DSCAM: variants seen among roughly 807,000 people sequenced by gnomAD.
DSCAM encodes cell adhesion molecule DSCAM.
DSCAM carries 47 observed loss-of-function variants against 217.7 expected under a neutral mutation model. The ratio of observed to expected loss-of-function variants is 0.22; its 90% confidence interval spans 0.17 to 0.28. The LOEUF (loss-of-function observed/expected upper bound fraction) is 0.28, where lower values mean the gene tolerates loss of function less well. DSCAM is among the 10% of genes least tolerant of loss of function. The pLI, the probability that DSCAM is intolerant of heterozygous loss-of-function variation, is 1.00. For missense variants in DSCAM, 2,080 were observed against 2,618.3 expected (o/e 0.79, Z 4.49); for synonymous variants, 1,056 against 1,015.3 (o/e 1.04, Z -0.76).
chr21:40,616,930 T>G (rs1601791685), intron 3 of DSCAM, among the ~76,000 whole-genome samples: 2 of 130,442 alleles, frequency 1.5e-5, no homozygotes, highest in Non-Finnish European at 3.2e-5. Flanking sequence ...GGCAGGAGAG[T>G]GGCGTGAACC....
chr21:40,109,954 G>A (rs918345948), intron 20 of DSCAM, among the ~76,000 whole-genome samples: 3 of 152,196 alleles, frequency 2.0e-5, no homozygotes, highest in African/African-American at 7.2e-5. Flanking sequence ...CGCAGCTCAA[G>A]GAGGCCTGCC....
At chr21:40,801,381 T>C (rs563263484) in intron 1 of DSCAM, among the ~76,000 whole-genome samples, 20 of 152,196 alleles carry the variant, frequency 1.3e-4, no homozygotes, top group African/African-American at 4.3e-4. Flanking sequence ...AGTTAATAAG[T>C]GTGTTCAGGA....
intron 2 of DSCAM, among the ~76,000 whole-genome samples, chr21:40,706,534 T>C (rs1300264036): frequency 1.3e-5 from 2 of 152,184 alleles, no homozygotes; most frequent in Non-Finnish European, 2.9e-5. Flanking sequence ...TTCTACCTAA[T>C]AGCTTATTCC....
intron 11 of DSCAM, among the ~76,000 whole-genome samples, chr21:40,254,557 G>T (rs956624596): frequency 2.0e-5 from 3 of 152,178 alleles, no homozygotes. Context: ...GAAAACTGAG[G>T]TACATTATGA....
intron 1 of DSCAM, among the ~76,000 whole-genome samples, chr21:40,815,538 C>G (rs2091873845): frequency 6.6e-6 from 1 of 152,200 alleles, no homozygotes; most frequent in African/African-American, 2.4e-5. Flanking sequence ...GCACCACTGT[C>G]TTCTAGGGCA....
At position 40,847,083 on chromosome 21, in the gene DSCAM, G is replaced by A. The variant is rs1433713717; in HGVS notation, c.-422C>T. Reference sequence around the variant, plus strand: ...ATCCAGGCAGCAGGCGGGCGGGCAGGCTCATCTTTGCCGTGCTCCGGCCTC... The same window carrying A: ...ATCCAGGCAGCAGGCGGGCGGGCAGACTCATCTTTGCCGTGCTCCGGCCTC... On this transcript the variant is annotated 5_prime_UTR_variant, in exon 1 of 33. Coordinates refer to ENST00000400454, the MANE Select transcript of DSCAM (RefSeq NM_001389.5). The A allele has an allele frequency of 3.9e-5, 6 of 152,450 alleles. No individual in the cohort carries two copies. The highest frequency in any genetic ancestry group is 1.4e-4 in the African/African-American group (6 of 41,584). 9.4% of individuals were successfully genotyped at this position (152,450 alleles called of 1,614,324 possible).
chr21:40,249,489 C>G (rs970967888), intron 11 of DSCAM, among the ~76,000 whole-genome samples: 8 of 152,256 alleles, frequency 5.3e-5, no homozygotes, highest in African/African-American at 1.9e-4. Flanking sequence ...ATAAGTCCAA[C>G]TAAACTTTTT....
At chr21:40,367,289 T>C (rs1228051730) in intron 4 of DSCAM, among the ~76,000 whole-genome samples, 1 of 152,202 alleles carries the variant, frequency 6.6e-6, no homozygotes, top group Non-Finnish European at 1.5e-5. Flanking sequence ...TGACCCCTTC[T>C]ACTGCCTTCC....
chr21:40,178,062 C>T (rs764812850), intron 15 of DSCAM, among the ~76,000 whole-genome samples: 2 of 152,182 alleles, frequency 1.3e-5, no homozygotes, highest in Non-Finnish European at 2.9e-5. Context: ...AATAAATGGG[C>T]CAGGCATGCA....
At chr21:40,538,099 G>A (rs2076513681) in intron 3 of DSCAM, among the ~76,000 whole-genome samples, 1 of 152,158 alleles carries the variant, frequency 6.6e-6, no homozygotes, top group African/African-American at 2.4e-5. Context: ...AGGCAGAGCA[G>A]GGGCCACTCA....
intron 31 of DSCAM, 113 bp from the exon 32 acceptor site, chr21:40,042,786 G>T: frequency 9.6e-7 from 1 of 1,045,254 alleles, no homozygotes; most frequent in Non-Finnish European, 1.4e-6. Context: ...GTGGGACCTG[G>T]TAGGAGTTCT....
chr21:40,496,233 A>G (rs2076117380), intron 3 of DSCAM, among the ~76,000 whole-genome samples: 1 of 152,170 alleles, frequency 6.6e-6, no homozygotes, highest in African/African-American at 2.4e-5. Context: ...TGAGCAAAAG[A>G]ACAAGTTGGA....
intron 3 of DSCAM, among the ~76,000 whole-genome samples, chr21:40,549,686 C>A (rs2146152941): frequency 1.3e-5 from 2 of 152,316 alleles, no homozygotes; most frequent in South Asian, 4.1e-4. Flanking sequence ...TGGGACAAGT[C>A]ATACTTCAGC....
chr21:40,368,131 C>T (rs933847129), intron 4 of DSCAM, among the ~76,000 whole-genome samples: 10 of 152,074 alleles, frequency 6.6e-5, no homozygotes, highest in Admixed American at 3.3e-4. Flanking sequence ...ACTAATTTTG[C>T]GAATCCCAAA....
chr21:40,014,440 AAACCAAG>A (rs2088120666), intron 32 of DSCAM, among the ~76,000 whole-genome samples: 1 of 152,014 alleles, frequency 6.6e-6, no homozygotes, highest in Non-Finnish European at 1.5e-5. Context: ...CAAAACAAAA[AAACCAAG>A]AGCATCTGCT....
intron 1 of DSCAM, among the ~76,000 whole-genome samples, chr21:40,756,874 G>C (rs2091281400): frequency 6.6e-6 from 1 of 152,148 alleles, no homozygotes; most frequent in Non-Finnish European, 1.5e-5. Context: ...GCACATCTTA[G>C]AGGTAGTATT....
chr21:40,086,313 T>C (rs757308227), intron 22 of DSCAM, among the ~76,000 whole-genome samples: 1 of 152,238 alleles, frequency 6.6e-6, no homozygotes, highest in Non-Finnish European at 1.5e-5. Context: ...GGTGGCAGAT[T>C]GTCCAGTCCT....
At chr21:40,060,874 G>C (rs1462295805) in intron 28 of DSCAM, among the ~76,000 whole-genome samples, 1 of 152,034 alleles carries the variant, frequency 6.6e-6, no homozygotes, top group African/African-American at 2.4e-5. Flanking sequence ...TGTTTTATCA[G>C]ATCTGCTTAA....
At chr21:40,357,893 A>G (rs1013382762) in intron 4 of DSCAM, among the ~76,000 whole-genome samples, 1 of 152,182 alleles carries the variant, frequency 6.6e-6, no homozygotes, top group African/African-American at 2.4e-5. Flanking sequence ...ATGTGAGAAT[A>G]TAATGATAGC....
Sources: allele counts gnomAD v4.1 joint callset (sites outside exome capture counted in the v4.1 genomes callset), GRCh38; gene constraint gnomAD v4.1.1; transcripts MANE v1.5; gene names NCBI Gene and HGNC (gene_info 2026-07-23, HGNC 2026-07-21).